The following WWOX variants were observed in gnomAD, a reference collection of about 807,000 sequenced individuals.
WWOX encodes the protein WW domain-containing oxidoreductase.
A neutral mutation model predicts 46.2 loss-of-function variants in WWOX; 69 were observed. That is an observed-to-expected ratio of 1.49 (90% CI 1.23 to 1.82). The LOEUF (loss-of-function observed/expected upper bound fraction) is 1.82. Ranked by LOEUF, WWOX falls within the 40% of genes most tolerant of loss-of-function variation. WWOX has a pLI of 0.00. For synonymous variants in WWOX, 359 were observed against 202.6 expected (o/e 1.77, Z -6.56); for missense variants, 919 against 542.6 (o/e 1.69, Z -6.89).
chr16:78,572,177 C>T (rs1303491382), intron 8 of WWOX, among the ~76,000 whole-genome samples: 9 of 152,200 alleles, frequency 5.9e-5, no homozygotes, highest in Middle Eastern at 3.4e-3. Context: ...CTCCAAAAGC[C>T]GTCTACAATG....
chr16:78,421,470 A>G (rs977281118), intron 6 of WWOX, among the ~76,000 whole-genome samples: 3 of 152,206 alleles, frequency 2.0e-5, no homozygotes, highest in Admixed American at 6.5e-5. Flanking sequence ...CCTTAATCCA[A>G]GATGATCTCA....
At chr16:78,896,098 A>G (rs2044694458) in intron 8 of WWOX, 1 of 152,168 alleles carries the variant, frequency 6.6e-6, no homozygotes, top group African/African-American at 2.4e-5. Context: ...CAGGCAATTG[A>G]TCTTTAAAAA....
At chr16:78,914,902 A>G (rs886304769) in intron 8 of WWOX, among the ~76,000 whole-genome samples, 1 of 151,062 alleles carries the variant, frequency 6.6e-6, no homozygotes, top group Non-Finnish European at 1.5e-5. Context: ...AAAAAAAAAA[A>G]AGGAACCAGA....
At chr16:78,816,214 G>C (rs1437273479) in intron 8 of WWOX, among the ~76,000 whole-genome samples, 3 of 152,122 alleles carry the variant, frequency 2.0e-5, no homozygotes, top group Non-Finnish European at 4.4e-5. Context: ...TGTAAAATTT[G>C]GGACGCTGGA....
intron 8 of WWOX, among the ~76,000 whole-genome samples, chr16:78,632,121 C>A (rs546566052): frequency 3.0e-4 from 46 of 152,268 alleles, no homozygotes; most frequent in African/African-American, 1.1e-3. Context: ...GATAGAAAAA[C>A]ACTTGAGATC....
At chr16:78,421,346 C>G (rs138556149) in intron 6 of WWOX, among the ~76,000 whole-genome samples, 3 of 152,186 alleles carry the variant, frequency 2.0e-5, no homozygotes, top group African/African-American at 7.2e-5. Context: ...AATTTCTTGG[C>G]TTTTATCTTA....
At chr16:78,224,752 T>G (rs2036995801) in intron 5 of WWOX, among the ~76,000 whole-genome samples, 4 of 152,230 alleles carry the variant, frequency 2.6e-5, no homozygotes, top group Admixed American at 2.6e-4. Context: ...GGCTACTATT[T>G]TCCAGTATCT....
intron 5 of WWOX, among the ~76,000 whole-genome samples, chr16:78,375,634 T>A (rs1041435360): frequency 1.3e-5 from 2 of 152,194 alleles, no homozygotes; most frequent in African/African-American, 4.8e-5. Flanking sequence ...TATAACCTTT[T>A]TGGAGGACCC....
chr16:78,961,656 C>T (rs538733279), intron 8 of WWOX, among the ~76,000 whole-genome samples: 1 of 152,222 alleles, frequency 6.6e-6, no homozygotes, highest in South Asian at 2.1e-4. Context: ...CTTCCAGCTT[C>T]ACGTGCAAGA....
intron 8 of WWOX, among the ~76,000 whole-genome samples, chr16:79,075,995 T>G (rs373264722): frequency 6.6e-6 from 1 of 152,306 alleles, no homozygotes; most frequent in South Asian, 2.1e-4. Flanking sequence ...AATAAAGTAT[T>G]TGTTGAAGTG....
chr16:78,442,391 T>C (rs1389925141), intron 8 of WWOX, among the ~76,000 whole-genome samples: 2 of 152,276 alleles, frequency 1.3e-5, no homozygotes, highest in Non-Finnish European at 2.9e-5. Context: ...GTATTCATTC[T>C]GTCTAACTGA....
At chr16:78,670,267 C>T (rs1225814923) in intron 8 of WWOX, among the ~76,000 whole-genome samples, 1 of 152,174 alleles carries the variant, frequency 6.6e-6, no homozygotes, top group Non-Finnish European at 1.5e-5. Context: ...TACCCAGGGT[C>T]ATATCCTTGG....
intron 8 of WWOX, among the ~76,000 whole-genome samples, chr16:78,745,931 G>A (rs902592507): frequency 2.2e-4 from 33 of 151,938 alleles, no homozygotes; most frequent in African/African-American, 7.3e-4. Flanking sequence ...AAACACTCCC[G>A]CTGCTCCTTC....
chr16:78,308,802 A>G (rs1308302861), intron 5 of WWOX, among the ~76,000 whole-genome samples: 1 of 152,168 alleles, frequency 6.6e-6, no homozygotes, highest in African/African-American at 2.4e-5. Flanking sequence ...TAACCCAGAT[A>G]GTCCTTTCTA....
intron 6 of WWOX, among the ~76,000 whole-genome samples, chr16:78,400,939 C>T (rs1307569789): frequency 1.3e-5 from 2 of 152,202 alleles, no homozygotes; most frequent in Non-Finnish European, 2.9e-5. Context: ...TCCTTCCACT[C>T]AGCCTCCTGA....
chr16:78,880,468 G>A (rs2044320375), intron 8 of WWOX, among the ~76,000 whole-genome samples: 1 of 152,086 alleles, frequency 6.6e-6, no homozygotes, highest in Non-Finnish European at 1.5e-5. Context: ...TTCCTTCTCT[G>A]TTTAAATAGT....
chr16:78,501,187 C>T (rs377078497), intron 8 of WWOX, among the ~76,000 whole-genome samples: 27 of 17,482 alleles, frequency 1.5e-3, no homozygotes, highest in African/African-American at 2.3e-3. Context: ...CTCTCTCTTT[C>T]TTTCTCTTTT....
chr16:78,444,093 G>T (rs1253242234), intron 8 of WWOX, among the ~76,000 whole-genome samples: 1 of 152,172 alleles, frequency 6.6e-6, no homozygotes, highest in Non-Finnish European at 1.5e-5. Flanking sequence ...GCTCAGAATC[G>T]TTTGGAAACG....
rs140161413 is a variant in WWOX, at chr16:78,455,734, T to C, written c.1056+22982T>C. On this transcript the variant is annotated intron_variant, in intron 8 of 8. Coordinates refer to ENST00000566780, the MANE Select transcript of WWOX (RefSeq NM_016373.4). ...TTAAATCAAGACAAATTCAATATTA[T>C]AGCAAAGGTTCAAGTAATGAACATG... Among the ~76,000 whole-genome samples the C allele has an allele frequency of 5.3e-4, 78 of 146,750 alleles. No homozygotes were observed. The South Asian group carries it at 7.8e-3, about 15-fold the overall frequency.
Sources: allele counts gnomAD v4.1 joint callset (sites outside exome capture counted in the v4.1 genomes callset), GRCh38; gene constraint gnomAD v4.1.1; transcripts MANE v1.5; gene names NCBI Gene and HGNC (gene_info 2026-07-23, HGNC 2026-07-21).